The following MGRN1 variants were observed in gnomAD, a reference collection of about 807,000 sequenced individuals.
The protein encoded by MGRN1 is E3 ubiquitin-protein ligase MGRN1.
In MGRN1, 29 loss-of-function variants were observed where a neutral mutation model predicts 69.2. The ratio of observed to expected loss-of-function variants is 0.42; its 90% CI spans 0.31 to 0.57. The LOEUF (loss-of-function observed/expected upper bound fraction) is 0.57. MGRN1 is among the 20% of genes least tolerant of loss of function. The pLI is 0.15. For synonymous variants in MGRN1, 470 were observed against 344.2 expected, an observed-to-expected ratio of 1.37 and a Z score of -4.04; for missense variants, 998 against 796.2, an observed-to-expected ratio of 1.25 and a Z score of -3.05.
intron 1 of MGRN1, among the ~76,000 whole-genome samples, chr16:4,628,385 CAAAAAAA>C (rs35474754): frequency 6.4e-5 from 6 of 94,050 alleles, no homozygotes; most frequent in African/African-American, 1.8e-4. Flanking sequence ...ACTCTGTCTC[CAAAAAAA>C]AAAAAAAAAA....
At position 4,625,173 on chromosome 16, in the gene MGRN1, G is replaced by A. The variant is rs752840286; in HGVS notation, c.88+125G>A. Reference sequence around the variant, plus strand: ...CCCCTCCGGGCCTCGTTGCTACCCCGAGCCTTCGCGCGGCCCCACGGCCCC... The same window carrying A: ...CCCCTCCGGGCCTCGTTGCTACCCCAAGCCTTCGCGCGGCCCCACGGCCCC... On this transcript the variant is annotated intron_variant, in intron 1 of 16. Transcript: ENST00000262370. The A allele has an allele frequency of 8.6e-4, 791 of 920,180 alleles. 3 individuals are homozygous for A. The highest frequency in any genetic ancestry group is 9.0e-4 in the Non-Finnish European group (600 of 669,790). The allele number at this position is 920,180 out of a possible 1,614,324, so 57.0% of individuals were successfully genotyped here.
intron 1 of MGRN1, among the ~76,000 whole-genome samples, chr16:4,644,313 T>TTTG (rs1303468078): frequency 1.4e-5 from 2 of 148,032 alleles, no homozygotes; most frequent in African/African-American, 5.0e-5. Context: ...CAGTTTTTTT[T>TTTG]TTTTTTTTTT....
intron 12 of MGRN1, chr16:4,680,466 C>T (rs1178714430): frequency 4.3e-6 from 1 of 232,286 alleles, no homozygotes; most frequent in Non-Finnish European, 8.7e-6. Context: ...CCGTGTCCCG[C>T]TCCTTTACCC....
intron 4 of MGRN1, among the ~76,000 whole-genome samples, chr16:4,657,033 A>G (rs1463022139): frequency 6.6e-6 from 1 of 152,228 alleles, no homozygotes; most frequent in African/African-American, 2.4e-5. Context: ...GCCAGGCCTG[A>G]CCTGGGGAGA....
chr16:4,650,460 T>C lies in MGRN1; in HGVS notation c.184T>C (p.Phe62Leu), dbSNP rs2078380398. 1 of 1,613,718 alleles carries C rather than the reference T, an allele frequency of 6.2e-7. No homozygotes were observed. The highest frequency in any genetic ancestry group is 8.5e-7 in the Non-Finnish European group (1 of 1,179,848). ...YLFGENMDLN[F>L]LGSRPVQFPY... ...CTTTGGAGAGAACATGGATCTGAAC[T>C]TCCTGGGCAGCCGCCCGGTCCAGGT... The change falls in exon 2 of 17, where the codon TTC (phenylalanine) becomes CTC (leucine). Residue 62 changes from phenylalanine to leucine, a missense_variant. Transcript: ENST00000262370.
rs1051153976 is a variant in MGRN1, at chr16:4,637,085, C to T, written c.88+12037C>T. On this transcript the variant is annotated intron_variant, in intron 1 of 16. Transcript: ENST00000262370. ...AGTGAGTCAAGATTGCGCCACTGCA[C>T]GCCAGCCCGGGCGACAGAGCAAGAC... Among the ~76,000 whole-genome samples, 11 of 138,294 alleles carry T rather than the reference C, an allele frequency of 8.0e-5. No individual in the cohort carries two copies. The South Asian group carries it at 1.4e-3, about 17-fold the overall frequency. 90.7% of individuals were successfully genotyped at this position (138,294 alleles called of 152,430 possible).
intron 4 of MGRN1, 41 bp downstream of exon 4, chr16:4,652,865 C>T (rs368530688): frequency 2.6e-6 from 4 of 1,552,774 alleles, no homozygotes; most frequent in East Asian, 2.3e-5. Context: ...GGCTGGGGGC[C>T]CCAGACTCCT....
At chr16:4,634,049 T>A (rs776107682) in intron 1 of MGRN1, among the ~76,000 whole-genome samples, 1 of 152,198 alleles carries the variant, frequency 6.6e-6, no homozygotes, top group South Asian at 2.1e-4. Flanking sequence ...GCAGCTGCCA[T>A]TGGGGGCAAC....
chr16:4,636,594 C>T lies in MGRN1; in HGVS notation c.88+11546C>T, dbSNP rs562645069. Among the ~76,000 whole-genome samples the T allele has an allele frequency of 4.6e-5, 7 of 152,168 alleles. No homozygotes were observed. In the South Asian group the frequency reaches 1.0e-3, roughly 23 times the overall value. ...TAGATTTTAAACTTTTAGGAGTGAACGAATTTGCATGTCTGCAGGCAAGAA... is the reference window on the plus strand; with the variant it reads ...TAGATTTTAAACTTTTAGGAGTGAATGAATTTGCATGTCTGCAGGCAAGAA... On this transcript the variant is annotated intron_variant, in intron 1 of 16. Coordinates refer to ENST00000262370, the MANE Select transcript of MGRN1 (RefSeq NM_015246.4).
At chr16:4,628,086 A>G (rs1897785107) in intron 1 of MGRN1, among the ~76,000 whole-genome samples, 1 of 147,366 alleles carries the variant, frequency 6.8e-6, no homozygotes, top group Non-Finnish European at 1.5e-5. Context: ...TCTCAAAAAA[A>G]AAAAAAAAAA....
chr16:4,671,788 C>T (rs2078942872), intron 9 of MGRN1, among the ~76,000 whole-genome samples: 1 of 152,196 alleles, frequency 6.6e-6, no homozygotes, highest in African/African-American at 2.4e-5. Context: ...GACAGCACGT[C>T]CCTGCAGCTC....
intron 1 of MGRN1, among the ~76,000 whole-genome samples, chr16:4,628,691 C>T (rs947017737): frequency 1.2e-4 from 18 of 152,038 alleles, no homozygotes; most frequent in Admixed American, 5.2e-4. Flanking sequence ...ATTACAGGTG[C>T]GCACCACCAC....
At position 4,671,525 on chromosome 16, in the gene MGRN1, G is replaced by C. The variant is rs2078937025; in HGVS notation, c.795+66G>C. The C allele has an allele frequency of 4.8e-6, 7 of 1,471,940 alleles. No homozygotes were observed. The South Asian group carries it at 6.8e-5, about 14-fold the overall frequency. The allele number at this position is 1,471,940 out of a possible 1,614,324, so 91.2% of individuals were successfully genotyped here. ...CCCACACCAGGAGCAGCCGCGGACA[G>C]CAATGCTTGCCGGTTCCCTTCCATG... On this transcript the variant is annotated intron_variant, in intron 9 of 16. Transcript: ENST00000262370.
intron 1 of MGRN1, among the ~76,000 whole-genome samples, chr16:4,632,680 C>T (rs1472847187): frequency 1.3e-5 from 2 of 152,190 alleles, no homozygotes; most frequent in African/African-American, 4.8e-5. Context: ...AGGCATGAGC[C>T]ACCGTGCCGG....
At chr16:4,663,552 G>A (rs1213179888) in intron 5 of MGRN1, among the ~76,000 whole-genome samples, 1 of 152,140 alleles carries the variant, frequency 6.6e-6, no homozygotes. Flanking sequence ...AGAATAAACA[G>A]ATGCATGTGT....
intron 7 of MGRN1, among the ~76,000 whole-genome samples, chr16:4,666,889 A>G (rs4786532): frequency 0.62 from 95,068 of 152,158 alleles, 30,323 homozygotes; most frequent in East Asian, 0.91. Flanking sequence ...GCAGACACTC[A>G]GAACACTGGC....
intron 16 of MGRN1, among the ~76,000 whole-genome samples, chr16:4,685,155 C>T (rs1242967611): frequency 2.6e-5 from 4 of 152,338 alleles, no homozygotes; most frequent in Admixed American, 1.3e-4. Context: ...ACACAGAATT[C>T]GAGTAAGGTC....
chr16:4,675,089 C>G (rs2079027748), intron 10 of MGRN1, among the ~76,000 whole-genome samples: 2 of 152,194 alleles, frequency 1.3e-5, no homozygotes, highest in Non-Finnish European at 2.9e-5. Context: ...TCTTGTGACT[C>G]AGCCTCCTGA....
At chr16:4,654,755 C>T (rs942433304) in intron 4 of MGRN1, among the ~76,000 whole-genome samples, 1 of 152,202 alleles carries the variant, frequency 6.6e-6, no homozygotes, top group South Asian at 2.1e-4. Flanking sequence ...TGAAAGGAGC[C>T]TGAGTGCTCG....
Sources: allele counts gnomAD v4.1 joint callset (sites outside exome capture counted in the v4.1 genomes callset), GRCh38; gene constraint gnomAD v4.1.1; transcripts MANE v1.5; gene names NCBI Gene and HGNC (gene_info 2026-07-23, HGNC 2026-07-21).